The following NR3C2 variants were observed in gnomAD, a reference collection of about 807,000 sequenced individuals.
The protein encoded by NR3C2 is nuclear receptor subfamily 3 group C member 2, also known as mineralocorticoid receptor.
Under a neutral mutation model 86.4 loss-of-function variants are expected in NR3C2, and 15 were observed. That is an observed-to-expected ratio of 0.17 (90% CI 0.12 to 0.27). The LOEUF is 0.27. Among genes scored for constraint, NR3C2 ranks in the 10% least tolerant of loss-of-function variants. The pLI, the probability that NR3C2 is intolerant of heterozygous loss-of-function variation, is 1.00. For missense variants in NR3C2, 960 were observed against 1,195.6 expected, an observed-to-expected ratio of 0.80 and a Z score of 2.91; for synonymous variants, 458 against 450.5, an observed-to-expected ratio of 1.02 and a Z score of -0.21.
At chr4:148,137,733 A>C (rs1733411851) in intron 6 of NR3C2, among the ~76,000 whole-genome samples, 1 of 152,152 alleles carries the variant, frequency 6.6e-6, no homozygotes, top group Non-Finnish European at 1.5e-5. Flanking sequence ...GGAGTCTGTC[A>C]GATCCTCTTT....
At chr4:148,230,321 G>C (rs1160530154) in intron 3 of NR3C2, among the ~76,000 whole-genome samples, 4 of 152,100 alleles carry the variant, frequency 2.6e-5, no homozygotes, top group Non-Finnish European at 5.9e-5. Flanking sequence ...AGCCACCCAA[G>C]CAGCTGGGAT....
intron 4 of NR3C2, among the ~76,000 whole-genome samples, chr4:148,175,134 T>C (rs1390259850): frequency 1.3e-5 from 2 of 151,930 alleles, no homozygotes; most frequent in Non-Finnish European, 2.9e-5. Flanking sequence ...AGTGATTTCC[T>C]CAAAAAACAT....
At chr4:148,098,512 T>C (rs909767038) in intron 8 of NR3C2, among the ~76,000 whole-genome samples, 3 of 151,908 alleles carry the variant, frequency 2.0e-5, no homozygotes, top group African/African-American at 7.3e-5. Flanking sequence ...TCAAAAAGGA[T>C]GAGTATTTAC....
intron 2 of NR3C2, among the ~76,000 whole-genome samples, chr4:148,335,963 G>C (rs1324913983): frequency 6.6e-6 from 1 of 152,160 alleles, no homozygotes; most frequent in African/African-American, 2.4e-5. Context: ...AGTATACTAT[G>C]CAACTGAGAT....
intron 4 of NR3C2, among the ~76,000 whole-genome samples, chr4:148,157,409 A>G (rs1734449756): frequency 6.6e-6 from 1 of 152,232 alleles, no homozygotes; most frequent in Non-Finnish European, 1.5e-5. Flanking sequence ...TTTTATGAGT[A>G]GATTCTATTA....
intron 2 of NR3C2, among the ~76,000 whole-genome samples, chr4:148,413,121 C>T (rs771456179): frequency 6.6e-6 from 1 of 152,144 alleles, no homozygotes; most frequent in Non-Finnish European, 1.5e-5. Flanking sequence ...ACAGCCCCAA[C>T]TTCTGTATTT....
chr4:148,258,334 A>C (rs1382474039), intron 3 of NR3C2, among the ~76,000 whole-genome samples: 1 of 152,232 alleles, frequency 6.6e-6, no homozygotes. Flanking sequence ...CAATCATCTA[A>C]TTAAGGAAAG....
In NR3C2 at chr4:148,215,132, C is replaced by T. The variant is rs137931798; in HGVS notation, c.1898-20270G>A. Among the ~76,000 whole-genome samples, 344 of 152,232 alleles carry T rather than the reference C, an allele frequency of 2.3e-3. 1 individual carries two copies. The highest frequency in any genetic ancestry group is 7.9e-3 in the African/African-American group (328 of 41,542). ...AAAACAAATCCTGGAAGCTGGCATT[C>T]GGATAAATAACACAAAGTCTGTTCG... On this transcript the variant is annotated intron_variant, in intron 3 of 8. Coordinates refer to ENST00000358102, the MANE Select transcript of NR3C2 (RefSeq NM_000901.5).
chr4:148,383,495 C>T (rs904936712), intron 2 of NR3C2, among the ~76,000 whole-genome samples: 16 of 152,048 alleles, frequency 1.1e-4, no homozygotes, highest in African/African-American at 3.9e-4. Context: ...AACATGATAC[C>T]TTTGCTGCAA....
intron 3 of NR3C2, 99 bp downstream of exon 3, chr4:148,259,879 C>CT: frequency 1.4e-6 from 2 of 1,467,274 alleles, no homozygotes; most frequent in Non-Finnish European, 1.9e-6. Flanking sequence ...AATCAAAAAT[C>CT]TTTTTGAAGA....
intron 2 of NR3C2, among the ~76,000 whole-genome samples, chr4:148,391,438 AT>A (rs1747550669): frequency 6.6e-6 from 1 of 152,188 alleles, no homozygotes; most frequent in South Asian, 2.1e-4. Context: ...AACCTCATCC[AT>A]CCATTGAATA....
intron 2 of NR3C2, among the ~76,000 whole-genome samples, chr4:148,349,787 C>T (rs1400338852): frequency 2.0e-5 from 3 of 152,048 alleles, no homozygotes; most frequent in Non-Finnish European, 2.9e-5. Flanking sequence ...TCATTACTTG[C>T]TAAATTTCTT....
At chr4:148,277,866 C>T (rs1273423992) in intron 2 of NR3C2, among the ~76,000 whole-genome samples, 1 of 152,058 alleles carries the variant, frequency 6.6e-6, no homozygotes, top group Non-Finnish European at 1.5e-5. Flanking sequence ...CAGGCCAAGA[C>T]CCAGAAATGC....
At chr4:148,375,750 A>G (rs1746646101) in intron 2 of NR3C2, among the ~76,000 whole-genome samples, 2 of 152,172 alleles carry the variant, frequency 1.3e-5, no homozygotes, top group Non-Finnish European at 2.9e-5. Context: ...CCTACAGCTG[A>G]AAAGCAGAAC....
intron 3 of NR3C2, among the ~76,000 whole-genome samples, chr4:148,202,770 C>A (rs1736791353): frequency 6.6e-6 from 1 of 152,066 alleles, no homozygotes; most frequent in South Asian, 2.1e-4. Context: ...TAAGAAAGGC[C>A]CTAAGGTTCC....
chr4:148,176,451 A>G (rs1735377692), intron 4 of NR3C2, among the ~76,000 whole-genome samples: 1 of 152,150 alleles, frequency 6.6e-6, no homozygotes. Context: ...GTACAAAGGG[A>G]GCATCTGGGA....
chr4:148,320,917 T>C (rs1427396697), intron 2 of NR3C2, among the ~76,000 whole-genome samples: 1 of 149,302 alleles, frequency 6.7e-6, no homozygotes, highest in Non-Finnish European at 1.5e-5. Context: ...TGCCTTCTGC[T>C]AGCTTTTGAA....
chr4:148,400,918 T>C (rs1308836080), intron 2 of NR3C2, among the ~76,000 whole-genome samples: 1 of 152,210 alleles, frequency 6.6e-6, no homozygotes, highest in African/African-American at 2.4e-5. Flanking sequence ...AACATCATGT[T>C]GCATACCCTA....
rs1285662589 is a variant in NR3C2, at chr4:148,442,398, C to G, written c.-241G>C. 6.5e-6 allele frequency: 1 copy of G among 153,260 alleles called. No individual in the cohort carries two copies. Among genetic ancestry groups the G allele is most frequent in the Non-Finnish European group, 1.4e-5 (1 of 69,296 alleles). 9.5% of individuals were successfully genotyped at this position (153,260 alleles called of 1,614,324 possible). A position where few individuals can be genotyped will look rare whatever the true frequency, so the allele number is the denominator to read the frequency against. ...CTCCCGGGCCCAATGACACCCCGGG[C>G]GCGGAGGGGCTGAGAGGAGGGGGCA... On this transcript the variant is annotated 5_prime_UTR_variant, in exon 1 of 9. Coordinates refer to ENST00000358102, the MANE Select transcript of NR3C2 (RefSeq NM_000901.5).
Sources: gnomAD v4.1 joint callset for allele counts (sites outside exome capture counted in the v4.1 genomes callset) on GRCh38, gnomAD v4.1.1 for gene constraint, MANE v1.5 for transcripts, NCBI Gene and HGNC (gene_info 2026-07-23, HGNC 2026-07-21) for gene names.